Variants in TRPC7 observed in about 807,000 individuals in gnomAD.
The protein encoded by TRPC7 is transient receptor potential cation channel subfamily C member 7.
Under a neutral mutation model 90.1 loss-of-function variants are expected in TRPC7, and 42 were observed. That is an observed-to-expected ratio of 0.47 (90% CI 0.36 to 0.60). The LOEUF is 0.60. Among genes scored for constraint, TRPC7 ranks in the 20% least tolerant of loss-of-function variants. The probability of loss-of-function intolerance (pLI) is 0.00; values close to 1 mark genes in which losing one functional copy is unlikely to be tolerated. For missense variants in TRPC7, 955 were observed against 1,112.3 expected (o/e 0.86, Z 2.01); for synonymous variants, 451 against 436.3 (o/e 1.03, Z -0.42).
intron 2 of TRPC7, among the ~76,000 whole-genome samples, chr5:136,323,993 C>T (rs1240849598): frequency 6.6e-6 from 1 of 152,026 alleles, no homozygotes; most frequent in Non-Finnish European, 1.5e-5. Context: ...TTATTTCATT[C>T]ATGTTTTATA....
At chr5:136,270,389 C>T (rs188148869) in intron 4 of TRPC7, among the ~76,000 whole-genome samples, 9 of 152,254 alleles carry the variant, frequency 5.9e-5, no homozygotes, top group Admixed American at 4.6e-4. Context: ...ATACACACAA[C>T]GCAGTTAGAA....
intron 3 of TRPC7, among the ~76,000 whole-genome samples, chr5:136,309,861 T>G (rs1011204637): frequency 7.9e-5 from 12 of 152,216 alleles, no homozygotes; most frequent in African/African-American, 2.9e-4. Context: ...TCCTGTCCCT[T>G]TCACACAAAA....
At position 136,260,676 on chromosome 5, in the gene TRPC7, A is replaced by G. The variant is rs141586448; in HGVS notation, c.1345+5544T>C. On this transcript the variant is annotated intron_variant, in intron 5 of 11. Coordinates refer to ENST00000513104, the MANE Select transcript of TRPC7 (RefSeq NM_020389.3). ...GTCATTCTGAGGGAAATGGGAAGCC[A>G]CTGGAGTCTTGATGCAAACAATGAG... Among the ~76,000 whole-genome samples, 204 of 152,320 alleles carry G rather than the reference A, an allele frequency of 1.3e-3. 2 individuals carry two copies. The highest frequency in any genetic ancestry group is 4.8e-3 in the African/African-American group (199 of 41,576).
intron 2 of TRPC7, among the ~76,000 whole-genome samples, chr5:136,339,172 C>A (rs557710136): frequency 1.3e-5 from 2 of 152,304 alleles, no homozygotes; most frequent in Admixed American, 6.5e-5. Context: ...TTGCTACTAA[C>A]CTCACAGGCT....
intron 3 of TRPC7, among the ~76,000 whole-genome samples, chr5:136,295,793 T>G (rs913974371): frequency 6.6e-6 from 1 of 152,222 alleles, no homozygotes; most frequent in Non-Finnish European, 1.5e-5. Context: ...GCTGAATTTG[T>G]GTCCTAAATT....
At chr5:136,258,131 C>A (rs1212730564) in intron 5 of TRPC7, among the ~76,000 whole-genome samples, 2 of 152,022 alleles carry the variant, frequency 1.3e-5, no homozygotes, top group African/African-American at 2.4e-5. Flanking sequence ...CTTTTCTGAC[C>A]CATATAGTAG....
chr5:136,315,938 G>T (rs1759008417), intron 2 of TRPC7, 159 bp from the exon 3 acceptor site: 5 of 693,634 alleles, frequency 7.2e-6, no homozygotes, highest in Non-Finnish European at 1.2e-5. Flanking sequence ...GGGTGCAGAA[G>T]GCGGGGCAAT....
chr5:136,347,322 G>A (rs1760040715), intron 2 of TRPC7, among the ~76,000 whole-genome samples: 1 of 152,188 alleles, frequency 6.6e-6, no homozygotes, highest in Non-Finnish European at 1.5e-5. Context: ...GAAAAGCCTT[G>A]ATTGCACCCA....
At chr5:136,328,905 G>C (rs1254158079) in intron 2 of TRPC7, among the ~76,000 whole-genome samples, 1 of 152,232 alleles carries the variant, frequency 6.6e-6, no homozygotes, top group Admixed American at 6.5e-5. Context: ...CAGGCAGCAG[G>C]GAAGAAGTTT....
chr5:136,307,737 G>T (rs542207631), intron 3 of TRPC7, among the ~76,000 whole-genome samples: 1 of 152,276 alleles, frequency 6.6e-6, no homozygotes, highest in South Asian at 2.1e-4. Flanking sequence ...TAATGCACGG[G>T]GGAGTCCTCA....
At chr5:136,333,682 G>T (rs1198313964) in intron 2 of TRPC7, among the ~76,000 whole-genome samples, 1 of 152,146 alleles carries the variant, frequency 6.6e-6, no homozygotes, top group Non-Finnish European at 1.5e-5. Context: ...AGGATACAGG[G>T]ATGGAAATGG....
intron 2 of TRPC7, among the ~76,000 whole-genome samples, chr5:136,346,179 T>G (rs1411031559): frequency 6.6e-6 from 1 of 152,128 alleles, no homozygotes; most frequent in Non-Finnish European, 1.5e-5. Flanking sequence ...TGTATACATA[T>G]GTAACAAACC....
intron 2 of TRPC7, among the ~76,000 whole-genome samples, chr5:136,343,933 T>G (rs760367529): frequency 2.6e-5 from 4 of 152,210 alleles, no homozygotes; most frequent in African/African-American, 9.6e-5. Flanking sequence ...ATTGTGTATA[T>G]ACCCAAAGGA....
chr5:136,326,270 G>A (rs1048813277), intron 2 of TRPC7, among the ~76,000 whole-genome samples: 7 of 152,166 alleles, frequency 4.6e-5, no homozygotes, highest in Non-Finnish European at 7.3e-5. Context: ...AAATGCCAAG[G>A]ACCTGGACAA....
At chr5:136,263,145 A>G (rs1756911401) in intron 5 of TRPC7, among the ~76,000 whole-genome samples, 1 of 152,220 alleles carries the variant, frequency 6.6e-6, no homozygotes, top group South Asian at 2.1e-4. Context: ...GAGCTTACCC[A>G]GAGTGGGGAG....
intron 2 of TRPC7, among the ~76,000 whole-genome samples, chr5:136,336,665 C>G (rs115186226): frequency 1.3e-5 from 2 of 152,142 alleles, no homozygotes; most frequent in Admixed American, 1.3e-4. Flanking sequence ...CCCCTTTCCC[C>G]CGATCCCAGG....
At position 136,251,749 on chromosome 5, in the gene TRPC7, G is replaced by A; in HGVS notation, c.1479C>T (p.Phe493=). Reference sequence around the variant, plus strand: ...ACAGCTGTGCCTCCGTGGCCTTCAGGAAGGCCATGAAGCGTGCTGTGAAGG... The same window carrying A: ...ACAGCTGTGCCTCCGTGGCCTTCAGAAAGGCCATGAAGCGTGCTGTGAAGG... ...VASFTARFMA[F]LKATEAQLYV... is the part of the protein sequence containing the mutation. The change falls in exon 6 of 12, where the codon TTC becomes TTT. Residue 493 remains phenylalanine, a synonymous_variant. Coordinates refer to ENST00000513104, the MANE Select transcript of TRPC7 (RefSeq NM_020389.3). 1 of 1,613,950 alleles carries A rather than the reference G, an allele frequency of 6.2e-7. No homozygotes were observed. Among genetic ancestry groups the A allele is most frequent in the African/African-American group, 1.3e-5 (1 of 75,042 alleles).
chr5:136,225,379 C>G, intron 9 of TRPC7, 25 bp from the exon 10 acceptor site: 2 of 1,604,958 alleles, frequency 1.2e-6, no homozygotes, highest in Non-Finnish European at 1.7e-6. Context: ...CAAACCCACA[C>G]ACATCACACA....
At chr5:136,352,725 A>G (rs1760238642) in intron 2 of TRPC7, among the ~76,000 whole-genome samples, 1 of 152,214 alleles carries the variant, frequency 6.6e-6, no homozygotes, top group Admixed American at 6.5e-5. Flanking sequence ...ATTTGTTGGC[A>G]GTGCTCCCAA....
Sources: allele counts gnomAD v4.1 joint callset (sites outside exome capture counted in the v4.1 genomes callset), GRCh38; gene constraint gnomAD v4.1.1; transcripts MANE v1.5; gene names NCBI Gene and HGNC (gene_info 2026-07-23, HGNC 2026-07-21).